The following RGS20 variants were observed in gnomAD, a reference collection of about 807,000 sequenced individuals.
RGS20 encodes gz-selective GTPase-activating protein.
Under a neutral mutation model 33.6 loss-of-function variants are expected in RGS20, and 30 were observed. The observed-to-expected ratio is 0.89, with a 90% CI of 0.67 to 1.21. The LOEUF is 1.21. Ranked by LOEUF, RGS20 falls within the 50% of genes most tolerant of loss-of-function variation. The pLI, the probability that RGS20 is intolerant of heterozygous loss-of-function variation, is 0.00. For missense variants in RGS20, 472 were observed against 502.4 expected (o/e 0.94, Z 0.58); for synonymous variants, 208 against 197.9 (o/e 1.05, Z -0.43).
rs879613423 is a variant in RGS20, at chr8:53,958,649, G to GA, written c.*202dup. ...TGCAGCCACCTTTAGTGATACTTTT[G>GA]AAAAAAAAAAATAAAGGGATATGGC... is the stretch of plus-strand genomic sequence containing the variant. On this transcript the variant is annotated 3_prime_UTR_variant, in exon 6 of 6. Coordinates refer to ENST00000297313, the MANE Select transcript of RGS20 (RefSeq NM_170587.4). The GA allele has an allele frequency of 0.033, 8,664 of 265,992 alleles. 2 individuals are homozygous for GA. The highest frequency in any genetic ancestry group is 0.055 in the Middle Eastern group (49 of 888). 16.5% of individuals were successfully genotyped at this position (265,992 alleles called of 1,614,324 possible).
At chr8:53,920,810 G>A (rs1274551278) in intron 2 of RGS20, among the ~76,000 whole-genome samples, 1 of 152,172 alleles carries the variant, frequency 6.6e-6, no homozygotes, top group Admixed American at 6.5e-5. Context: ...CCGGGCTGGA[G>A]TGCAGTGGTG....
At chr8:53,895,472 A>T (rs1812831753) in intron 2 of RGS20, among the ~76,000 whole-genome samples, 1 of 152,158 alleles carries the variant, frequency 6.6e-6, no homozygotes, top group Non-Finnish European at 1.5e-5. Flanking sequence ...CCTTGAAAAT[A>T]ATCAGTAGGA....
chr8:53,947,880 GATGTAGTATATATATGCTATATATAT>G (rs1814563609), intron 4 of RGS20, among the ~76,000 whole-genome samples: 1 of 136,592 alleles, frequency 7.3e-6, no homozygotes, highest in Non-Finnish European at 1.5e-5. Context: ...CTATATATAA[GATGTAGTATATATATGCTATATATAT>G]GATATAGTAT....
intron 1 of RGS20, among the ~76,000 whole-genome samples, chr8:53,859,999 G>A (rs944682835): frequency 7.2e-5 from 11 of 152,130 alleles, no homozygotes. Context: ...AACCATATCG[G>A]GGAGTAAACT....
chr8:53,931,991 A>T (rs1000189413), intron 2 of RGS20, among the ~76,000 whole-genome samples: 7 of 152,106 alleles, frequency 4.6e-5, no homozygotes, highest in Non-Finnish European at 1.0e-4. Context: ...TCTGTAAAGG[A>T]TTTCATTTCT....
At chr8:53,869,374 A>G (rs1812001562) in intron 1 of RGS20, among the ~76,000 whole-genome samples, 1 of 152,146 alleles carries the variant, frequency 6.6e-6, no homozygotes, top group South Asian at 2.1e-4. Flanking sequence ...ATTTATTAGA[A>G]CATTCAAAAT....
intron 3 of RGS20, among the ~76,000 whole-genome samples, chr8:53,943,889 A>T (rs1814381377): frequency 1.3e-5 from 2 of 151,872 alleles, no homozygotes; most frequent in Non-Finnish European, 1.5e-5. Flanking sequence ...ATTTTTTTTT[A>T]AAGAAGCCAT....
chr8:53,861,359 T>C (rs1031629717), intron 1 of RGS20, among the ~76,000 whole-genome samples: 2 of 152,370 alleles, frequency 1.3e-5, no homozygotes, highest in Admixed American at 6.5e-5. Context: ...CGTGACCCAG[T>C]GTGGGTCATC....
intron 2 of RGS20, among the ~76,000 whole-genome samples, chr8:53,917,913 G>A (rs916815704): frequency 3.3e-5 from 5 of 152,092 alleles, no homozygotes; most frequent in African/African-American, 1.2e-4. Flanking sequence ...CCAACCCTAG[G>A]CAACCACTAT....
intron 2 of RGS20, among the ~76,000 whole-genome samples, chr8:53,934,219 G>C (rs1164000510): frequency 6.6e-6 from 1 of 152,148 alleles, no homozygotes; most frequent in African/African-American, 2.4e-5. Flanking sequence ...AAAATAACCA[G>C]CTAGCATCAT....
chr8:53,920,064 G>A (rs1367553189), intron 2 of RGS20, among the ~76,000 whole-genome samples: 1 of 151,894 alleles, frequency 6.6e-6, no homozygotes, highest in Non-Finnish European at 1.5e-5. Flanking sequence ...TAGTAGAGAA[G>A]GTGTTTCACC....
At chr8:53,909,535 T>G (rs1001304339) in intron 2 of RGS20, among the ~76,000 whole-genome samples, 19 of 152,020 alleles carry the variant, frequency 1.2e-4, no homozygotes, top group African/African-American at 4.6e-4. Context: ...ATTACAGCTG[T>G]GGGCCACCAC....
intron 2 of RGS20, among the ~76,000 whole-genome samples, chr8:53,903,069 G>T (rs538171834): frequency 6.6e-6 from 1 of 152,296 alleles, no homozygotes; most frequent in East Asian, 1.9e-4. Flanking sequence ...AGATCAGATG[G>T]ATCAGTTCAT....
chr8:53,873,601 T>C (rs962549286), intron 1 of RGS20, among the ~76,000 whole-genome samples: 1 of 152,264 alleles, frequency 6.6e-6, no homozygotes, highest in African/African-American at 2.4e-5. Context: ...GATATTTGAG[T>C]TTGTTTTTAA....
chr8:53,891,633 A>G (rs1260923815), intron 2 of RGS20, among the ~76,000 whole-genome samples: 1 of 152,000 alleles, frequency 6.6e-6, no homozygotes, highest in Non-Finnish European at 1.5e-5. Context: ...AAAAAAAGTG[A>G]TCTGCCTTGA....
intron 2 of RGS20, among the ~76,000 whole-genome samples, chr8:53,889,437 T>C (rs1401014658): frequency 1.6e-5 from 2 of 121,622 alleles, no homozygotes; most frequent in African/African-American, 6.3e-5. Context: ...TTTTTTTTTT[T>C]TTTTTTTTTT....
At chr8:53,888,822 G>A (rs776074218) in intron 2 of RGS20, among the ~76,000 whole-genome samples, 2 of 152,146 alleles carry the variant, frequency 1.3e-5, no homozygotes, top group African/African-American at 4.8e-5. Flanking sequence ...ATTAAACAGT[G>A]TATAATATTT....
In RGS20 at chr8:53,879,412, T is replaced by C; in HGVS notation, c.320T>C (p.Leu107Pro). Reference sequence around the variant, plus strand: ...CGGAGGCGCCTGGACTTCTCCCCCCTGCTTCCCGCCCTGCCGGCCGCCCGG... The same window carrying C: ...CGGAGGCGCCTGGACTTCTCCCCCCCGCTTCCCGCCCTGCCGGCCGCCCGG... The change falls in exon 2 of 6, where the codon CTG (leucine) becomes CCG (proline). Residue 107 changes from leucine (L) to proline (P), a missense_variant. Leu to Pro is a moderately conservative substitution (Grantham distance 98). This residue lies in a region of RGS20 where 319 missense variants were observed against 283.4 expected (regional missense o/e 1.13). Transcript: ENST00000297313. 1 of 1,609,166 alleles carries C rather than the reference T, an allele frequency of 6.2e-7. No individual in the cohort carries two copies. The highest frequency in any genetic ancestry group is 8.5e-7 in the Non-Finnish European group (1 of 1,178,606).
intron 4 of RGS20, among the ~76,000 whole-genome samples, chr8:53,952,244 ATTTTTTT>A (rs993312770): frequency 2.3e-5 from 2 of 88,248 alleles, no homozygotes; most frequent in East Asian, 3.2e-4. Context: ...TGCCCAGCTA[ATTTTTTT>A]TTTTTTTTTT....
Sources: allele counts gnomAD v4.1 joint callset (sites outside exome capture counted in the v4.1 genomes callset), GRCh38; gene constraint gnomAD v4.1.1; regional missense constraint gnomAD v4.1.1; transcripts MANE v1.5; gene names NCBI Gene and HGNC (gene_info 2026-07-23, HGNC 2026-07-21).